Variants in FYN observed in about 807,000 individuals in gnomAD.
The protein encoded by FYN is FYN proto-oncogene, Src family tyrosine kinase, also known as tyrosine-protein kinase Fyn.
Under a neutral mutation model 70.2 loss-of-function variants are expected in FYN, and 10 were observed. The ratio of observed to expected loss-of-function variants is 0.14; its 90% CI spans 0.09 to 0.24. FYN has a LOEUF of 0.24. FYN is among the 10% of genes least tolerant of loss of function. The pLI is 1.00. For missense variants in FYN, 319 were observed against 673.1 expected, an observed-to-expected ratio of 0.47 and a Z score of 5.82; for synonymous variants, 236 against 248.6, an observed-to-expected ratio of 0.95 and a Z score of 0.48.
intron 1 of FYN, among the ~76,000 whole-genome samples, chr6:111,861,669 A>G (rs1773967501): frequency 6.6e-6 from 1 of 152,212 alleles, no homozygotes; most frequent in South Asian, 2.1e-4. Context: ...AGGCAGGGGA[A>G]GCCATTAACG....
At chr6:111,701,324 T>C (rs562451875) in intron 8 of FYN, among the ~76,000 whole-genome samples, 1 of 152,304 alleles carries the variant, frequency 6.6e-6, no homozygotes, top group African/African-American at 2.4e-5. Flanking sequence ...AGAGCCTGCC[T>C]TGTGAGGTGG....
chr6:111,685,020 A>G (rs993696407), intron 12 of FYN, among the ~76,000 whole-genome samples: 5 of 151,518 alleles, frequency 3.3e-5, no homozygotes, highest in African/African-American at 1.2e-4. Flanking sequence ...GTAAAGAGAA[A>G]ACAAAACAAA....
chr6:111,763,645 TTAA>T (rs1421389970), intron 3 of FYN, among the ~76,000 whole-genome samples: 1 of 152,244 alleles, frequency 6.6e-6, no homozygotes, highest in Non-Finnish European at 1.5e-5. Flanking sequence ...GCTTTAAACA[TTAA>T]TATTATAACA....
rs117142214 is a variant in FYN at position 111,697,907 on chromosome 6, G to A, written c.863-1451C>T. ...GACTAAAATCCTCTATTATTAGAGGGTGAATGAGGAAGAAGGAGGTCATAT... is the reference window on the plus strand; with the variant it reads ...GACTAAAATCCTCTATTATTAGAGGATGAATGAGGAAGAAGGAGGTCATAT... On this transcript the variant is annotated intron_variant, in intron 9 of 13. Coordinates refer to ENST00000354650, the MANE Select transcript of FYN (RefSeq NM_002037.5). 4.9e-3 allele frequency among the ~76,000 whole-genome samples: 742 copies of A among 152,272 alleles called. 19 individuals are homozygous for A. In the East Asian group the frequency reaches 0.075, roughly 15 times the overall value.
At chr6:111,671,020 G>A (rs1256241494) in intron 13 of FYN, among the ~76,000 whole-genome samples, 4 of 152,202 alleles carry the variant, frequency 2.6e-5, no homozygotes, top group Admixed American at 2.0e-4. Context: ...CTGCAATGCA[G>A]AGAATGCGTT....
rs535939775 is a variant in FYN at position 111,808,054 on chromosome 6, G to A, written c.-81-27419C>T. ...ACCTGGAAGGCGGAGGTTGCAGTGC[G>A]CTGAGGCTGCACCATTGTACTCCAG... On this transcript the variant is annotated intron_variant, in intron 2 of 13. Coordinates refer to ENST00000354650, the MANE Select transcript of FYN (RefSeq NM_002037.5). Among the ~76,000 whole-genome samples the A allele has an allele frequency of 3.9e-5, 6 of 152,204 alleles. No homozygotes were observed. The South Asian group carries it at 8.3e-4, about 21-fold the overall frequency.
In FYN at chr6:111,661,736, G is replaced by GC; in HGVS notation, c.*2dup. 6.2e-7 allele frequency: 1 copy of GC among 1,613,302 alleles called. No individual in the cohort carries two copies. Among genetic ancestry groups the GC allele is most frequent in the Non-Finnish European group, 8.5e-7 (1 of 1,179,410 alleles). Reference sequence around the variant, plus strand: ...ACAAGGCCTCTCTCCGCAGACCCGGGCCTTACAGGTTTTCACCAGGTTGGT... The same window carrying GC: ...ACAAGGCCTCTCTCCGCAGACCCGGGCCCTTACAGGTTTTCACCAGGTTGGT... On this transcript the variant is annotated 3_prime_UTR_variant, in exon 14 of 14. Coordinates refer to ENST00000354650, the MANE Select transcript of FYN (RefSeq NM_002037.5). This position sits in a 1 kb window ranked among gnomAD's most constrained non-coding sequence, Gnocchi z 4.0.
chr6:111,690,165 G>C (rs1308700805), intron 12 of FYN, among the ~76,000 whole-genome samples: 5 of 151,618 alleles, frequency 3.3e-5, no homozygotes, highest in Non-Finnish European at 7.3e-5. Context: ...GCCTATGTCG[G>C]GGGTCACAGG....
intron 2 of FYN, among the ~76,000 whole-genome samples, chr6:111,800,361 G>A (rs908636767): frequency 6.6e-6 from 1 of 152,238 alleles, no homozygotes; most frequent in Admixed American, 6.5e-5. Context: ...GGATCCGGGG[G>A]ATGGGAGAAA....
intron 2 of FYN, among the ~76,000 whole-genome samples, chr6:111,832,529 A>C (rs1333520041): frequency 6.6e-6 from 1 of 152,156 alleles, no homozygotes; most frequent in Non-Finnish European, 1.5e-5. Flanking sequence ...CACATTCCGC[A>C]TGTGATTTGG....
intron 3 of FYN, among the ~76,000 whole-genome samples, chr6:111,725,385 T>G (rs1801146451): frequency 6.6e-6 from 1 of 152,196 alleles, no homozygotes; most frequent in Non-Finnish European, 1.5e-5. Context: ...ACAATGGGGC[T>G]TTTCTCCTCT....
At chr6:111,670,360 A>C (rs1170652206) in intron 13 of FYN, among the ~76,000 whole-genome samples, 1 of 152,054 alleles carries the variant, frequency 6.6e-6, no homozygotes, top group East Asian at 1.9e-4. Flanking sequence ...TCTACTCACC[A>C]GTGAGGTGCT....
intron 2 of FYN, among the ~76,000 whole-genome samples, chr6:111,817,882 T>C (rs1436124723): frequency 6.6e-6 from 1 of 152,226 alleles, no homozygotes; most frequent in Non-Finnish European, 1.5e-5. Flanking sequence ...AGCAGCGTGA[T>C]TCCTCCACTG....
chr6:111,812,730 C>T (rs919150463), intron 2 of FYN, among the ~76,000 whole-genome samples: 1 of 150,548 alleles, frequency 6.6e-6, no homozygotes, highest in African/African-American at 2.4e-5. Flanking sequence ...TCTCCTACCA[C>T]CAGTGTTAAT....
chr6:111,738,265 C>T (rs1200705067), intron 3 of FYN, among the ~76,000 whole-genome samples: 1 of 152,242 alleles, frequency 6.6e-6, no homozygotes, highest in African/African-American at 2.4e-5. Context: ...CCATGCCTAC[C>T]TGAAACAGGA....
At chr6:111,815,512 C>T (rs1177922259) in intron 2 of FYN, among the ~76,000 whole-genome samples, 1 of 152,118 alleles carries the variant, frequency 6.6e-6, no homozygotes, top group Non-Finnish European at 1.5e-5. Context: ...GGTAACTACT[C>T]CCTCTCTTTG....
intron 13 of FYN, among the ~76,000 whole-genome samples, chr6:111,665,995 CTTTTTTTTTTT>C (rs991104460): frequency 1.5e-4 from 13 of 89,078 alleles, no homozygotes; most frequent in African/African-American, 3.7e-4. Context: ...CCTTTTTCTC[CTTTTTTTTTTT>C]TTTTTTTTTT....
intron 2 of FYN, among the ~76,000 whole-genome samples, chr6:111,815,712 C>CT (rs11320954): frequency 4.8e-3 from 681 of 140,438 alleles, no homozygotes; most frequent in Middle Eastern, 7.1e-3. Flanking sequence ...CTGAGTACTT[C>CT]TTTTTTTTTT....
intron 3 of FYN, among the ~76,000 whole-genome samples, chr6:111,769,898 T>G (rs1803381293): frequency 6.6e-6 from 1 of 152,202 alleles, no homozygotes. Context: ...AGAAAACTGC[T>G]GAGCTAGCAG....
Sources: allele counts gnomAD v4.1 joint callset (sites outside exome capture counted in the v4.1 genomes callset), GRCh38; gene constraint gnomAD v4.1.1; non-coding constraint Gnocchi (gnomAD v3.1); transcripts MANE v1.5; gene names NCBI Gene and HGNC (gene_info 2026-07-23, HGNC 2026-07-21).